PITPNM3: variants seen among roughly 807,000 people sequenced by gnomAD.
The protein encoded by PITPNM3 is membrane-associated phosphatidylinositol transfer protein 3.
PITPNM3 carries 26 observed loss-of-function variants against 102.0 expected under a neutral mutation model. That is an observed-to-expected ratio of 0.25 (90% CI 0.19 to 0.35). The LOEUF (loss-of-function observed/expected upper bound fraction) is 0.35, where lower values mean the gene tolerates loss of function less well. Ranked by LOEUF, PITPNM3 falls within the 10% of genes least tolerant of loss-of-function variation. PITPNM3 has a pLI of 1.00. For missense variants in PITPNM3, 1,083 were observed against 1,346.1 expected (o/e 0.80, Z 3.06); for synonymous variants, 578 against 558.6 (o/e 1.03, Z -0.49).
intron 1 of PITPNM3, among the ~76,000 whole-genome samples, chr17:6,544,650 T>TCA (rs1198619210): frequency 1.8e-5 from 2 of 112,948 alleles, no homozygotes; most frequent in African/African-American, 8.2e-5. Context: ...TCTCTCTCTC[T>TCA]CTCTCACACA....
rs368659812 is a variant in PITPNM3 at position 6,479,262 on chromosome 17, T to C, written c.588-526A>G. 201 of 156,846 alleles carry C rather than the reference T, an allele frequency of 1.3e-3. 3 individuals are homozygous for C. The South Asian group carries it at 0.038, about 30-fold the overall frequency. The allele number at this position is 156,846 out of a possible 1,614,324, so 9.7% of individuals were successfully genotyped here. A position where few individuals can be genotyped will look rare whatever the true frequency, so the allele number is the denominator to read the frequency against. On this transcript the variant is annotated intron_variant, in intron 6 of 19. Transcript: ENST00000262483. ...AGCTGCAGACATGATGTTGTGTTCA[T>C]TGCATCACTGGGAGAAGATCAGAGC... is the stretch of plus-strand genomic sequence containing the variant.
In PITPNM3 at chr17:6,474,452, G is replaced by A. The variant is rs1905204882; in HGVS notation, c.1238C>T (p.Thr413Met). 5 of 1,613,324 alleles carry A rather than the reference G, an allele frequency of 3.1e-6. No homozygotes were observed. Among genetic ancestry groups the A allele is most frequent in the Non-Finnish European group, 3.4e-6 (4 of 1,179,958 alleles). The change falls in exon 10 of 20, where the codon ACG becomes ATG. Residue 413 changes from threonine (T) to methionine (M), a missense_variant. Coordinates refer to ENST00000262483, the MANE Select transcript of PITPNM3 (RefSeq NM_031220.4). ...CCTACCGTCCAGCCCAGGCAGCACC[G>A]TCCTCCGCATGGCCAGGACCAGGCC... Reference protein sequence around the residue: ...PLGLVLAMRRTVLPGLDGFQV... With the variant: ...PLGLVLAMRRMVLPGLDGFQV...
chr17:6,478,516 G>A lies in PITPNM3; in HGVS notation c.777+31C>T, dbSNP rs756713611. 9.3e-6 allele frequency: 15 copies of A among 1,611,368 alleles called. No homozygotes were observed. In the African/African-American group the frequency reaches 1.7e-4, roughly 19 times the overall value. On this transcript the variant is annotated intron_variant, in intron 7 of 19. Coordinates refer to ENST00000262483, the MANE Select transcript of PITPNM3 (RefSeq NM_031220.4). The surrounding 1 kb of genome is among the most constrained non-coding windows in gnomAD (Gnocchi z 4.4). ...CCCAGGCCGGGGCCGGAACAGGGGA[G>A]GGGAGAGGAGGAGAGGGCAGGCTGT...
intron 4 of PITPNM3, among the ~76,000 whole-genome samples, chr17:6,499,983 G>A (rs1262672152): frequency 3.3e-5 from 5 of 152,142 alleles, no homozygotes; most frequent in Admixed American, 6.6e-5. Flanking sequence ...TGCCTGCCTC[G>A]GTCTGCCAAA....
chr17:6,466,850 G>A lies in PITPNM3; in HGVS notation c.1890+1375C>T, dbSNP rs117449800. Among the ~76,000 whole-genome samples, 543 of 152,070 alleles carry A rather than the reference G, an allele frequency of 3.6e-3. 3 individuals are homozygous for A. The highest frequency in any genetic ancestry group is 6.3e-3 in the Non-Finnish European group (427 of 67,988). ...TAGTAGCCGAAAGGTGAAAACACCA[G>A]CCTGGCCAACATGGCGAAACTCCAT... On this transcript the variant is annotated intron_variant, in intron 14 of 19. Coordinates refer to ENST00000262483, the MANE Select transcript of PITPNM3 (RefSeq NM_031220.4).
At position 6,537,075 on chromosome 17, in the gene PITPNM3, T is replaced by C. The variant is rs1458658141; in HGVS notation, c.118+912A>G. ...TCTCTGCCTGAAATGTCCACCCCTT[T>C]GGATGCCCCTTTCTTTCAATCCCAA... On this transcript the variant is annotated intron_variant, in intron 2 of 19. Transcript: ENST00000262483. This position sits in a 1 kb window ranked among gnomAD's most constrained non-coding sequence, Gnocchi z 4.4. Among the ~76,000 whole-genome samples, 1 of 152,130 alleles carries C rather than the reference T, an allele frequency of 6.6e-6. No homozygotes were observed. The highest frequency in any genetic ancestry group is 1.5e-5 in the Non-Finnish European group (1 of 68,008).
intron 4 of PITPNM3, among the ~76,000 whole-genome samples, chr17:6,485,639 G>A (rs80026974): frequency 0.14 from 21,160 of 152,204 alleles, 2,162 homozygotes; most frequent in East Asian, 0.31. Flanking sequence ...AGTTAAGGTC[G>A]GCATTTGAAA....
At chr17:6,530,408 G>T (rs1909080595) in intron 2 of PITPNM3, among the ~76,000 whole-genome samples, 1 of 152,194 alleles carries the variant, frequency 6.6e-6, no homozygotes, top group Non-Finnish European at 1.5e-5. Flanking sequence ...TGGGAAACCA[G>T]GAGTTAGAGG....
chr17:6,490,073 TG>T (rs1906360363), intron 4 of PITPNM3, among the ~76,000 whole-genome samples: 1 of 152,146 alleles, frequency 6.6e-6, no homozygotes, highest in Admixed American at 6.5e-5. Context: ...TGGCCCTGCC[TG>T]GAAGTCAAAG....
chr17:6,528,217 C>A (rs1333842524), intron 2 of PITPNM3, among the ~76,000 whole-genome samples: 1 of 152,190 alleles, frequency 6.6e-6, no homozygotes, highest in South Asian at 2.1e-4. Context: ...GTATCTCTCT[C>A]TGGGTGGAAC....
Position 6,472,903 on chromosome 17 carries a change from GC to G in PITPNM3, c.1259-77del. On this transcript the variant is annotated intron_variant, in intron 10 of 19. Transcript: ENST00000262483. The surrounding 1 kb of genome is among the most constrained non-coding windows in gnomAD (Gnocchi z 4.1). ...TGGGCCCTAGGAGGCTCCCTGGAATGCAGCCTGGAGTAGCCTACTCCCCTCT... is the reference window on the plus strand; with the variant it reads ...TGGGCCCTAGGAGGCTCCCTGGAATGAGCCTGGAGTAGCCTACTCCCCTCT... The G allele has an allele frequency of 1.9e-6, 3 of 1,539,058 alleles. No homozygotes were observed. Among genetic ancestry groups the G allele is most frequent in the Non-Finnish European group, 2.7e-6 (3 of 1,125,356 alleles).
Position 6,458,033 on chromosome 17 carries a change from G to T in PITPNM3, c.2491-311C>A, listed in dbSNP as rs955531506. On this transcript the variant is annotated intron_variant, in intron 18 of 19. Transcript: ENST00000262483. This position sits in a 1 kb window ranked among gnomAD's most constrained non-coding sequence, Gnocchi z 5.1. ...GCGTTCCTTTGTGGATAAGGAAATT[G>T]AGTTCCAGGTTTCTGGCTCACAGGG... is the stretch of plus-strand genomic sequence containing the variant. 2.0e-5 allele frequency among the ~76,000 whole-genome samples: 3 copies of T among 152,138 alleles called. No homozygotes were observed. Among genetic ancestry groups the T allele is most frequent in the Non-Finnish European group, 4.4e-5 (3 of 68,018 alleles).
In PITPNM3 at chr17:6,474,501, A is replaced by G; in HGVS notation, c.1189T>C (p.Phe397Leu). 2.5e-6 allele frequency: 4 copies of G among 1,613,528 alleles called. No homozygotes were observed. Among genetic ancestry groups the G allele is most frequent in the Non-Finnish European group, 3.4e-6 (4 of 1,179,932 alleles). ...LGRFDFDVSD[F>L]FLFGSPLGLV... Reference sequence around the variant, plus strand: ...CCCAGTGGCGAGCCGAAGAGGAAGAAGTCGGACACATCGAAGTCAAAGCGG... The same window carrying G: ...CCCAGTGGCGAGCCGAAGAGGAAGAGGTCGGACACATCGAAGTCAAAGCGG... The change falls in exon 10 of 20, where the codon TTC becomes CTC. Residue 397 changes from phenylalanine to leucine, a missense_variant. By Grantham distance (22) the Phe-to-Leu change is conservative. Around this residue, in one of 5 missense-constraint regions of PITPNM3, gnomAD observed 172 missense variants for 175.6 expected, o/e 0.98. Transcript: ENST00000262483.
intron 4 of PITPNM3, among the ~76,000 whole-genome samples, chr17:6,486,145 G>C (rs932616439): frequency 2.6e-5 from 4 of 152,116 alleles, no homozygotes; most frequent in Admixed American, 1.3e-4. Context: ...CCTCCTTCCT[G>C]CCACCAGGCT....
At chr17:6,503,163 A>C (rs8076695) in intron 4 of PITPNM3, among the ~76,000 whole-genome samples, 4,212 of 152,194 alleles carry the variant, frequency 0.028, 204 homozygotes, top group African/African-American at 0.096. Flanking sequence ...CATGTTCCCC[A>C]TCCCCGTCCT....
intron 1 of PITPNM3, among the ~76,000 whole-genome samples, chr17:6,546,899 G>A (rs568973120): frequency 3.3e-5 from 5 of 152,224 alleles, no homozygotes; most frequent in East Asian, 3.9e-4. Flanking sequence ...CCAGCTACTC[G>A]GGAGGCTGAG....
At chr17:6,496,719 C>T (rs1906847786) in intron 4 of PITPNM3, among the ~76,000 whole-genome samples, 1 of 152,152 alleles carries the variant, frequency 6.6e-6, no homozygotes, top group South Asian at 2.1e-4. Context: ...TATAAAGGTG[C>T]TCATTAAATA....
intron 3 of PITPNM3, among the ~76,000 whole-genome samples, chr17:6,515,499 A>T (rs1474566965): frequency 2.0e-5 from 3 of 152,140 alleles, no homozygotes; most frequent in Non-Finnish European, 4.4e-5. Flanking sequence ...AACCACACTG[A>T]ATTGTACATT....
At chr17:6,486,430 T>C (rs546409647) in intron 4 of PITPNM3, among the ~76,000 whole-genome samples, 1 of 152,260 alleles carries the variant, frequency 6.6e-6, no homozygotes, top group African/African-American at 2.4e-5. Flanking sequence ...CCCCTCACCA[T>C]GACCAGCCCC....
Sources: allele counts gnomAD v4.1 joint callset (sites outside exome capture counted in the v4.1 genomes callset), GRCh38; gene constraint gnomAD v4.1.1; regional missense constraint gnomAD v4.1.1; non-coding constraint Gnocchi (gnomAD v3.1); transcripts MANE v1.5; gene names NCBI Gene and HGNC (gene_info 2026-07-23, HGNC 2026-07-21).